Variants in SENP7 observed in about 807,000 individuals in gnomAD.
SENP7 encodes the protein sentrin-specific protease 7.
Under a neutral mutation model 141.2 loss-of-function variants are expected in SENP7, and 64 were observed. The ratio of observed to expected loss-of-function variants is 0.45; its 90% CI spans 0.37 to 0.56. The LOEUF (loss-of-function observed/expected upper bound fraction) is 0.56, where lower values mean the gene tolerates loss of function less well. SENP7 is among the 20% of genes least tolerant of loss of function. SENP7 has a pLI of 0.00. For missense variants in SENP7, 1,025 were observed against 1,212.2 expected (o/e 0.85, Z 2.29); for synonymous variants, 382 against 426.4 (o/e 0.90, Z 1.28).
chr3:101,478,436 A>C (rs1355626711), intron 3 of SENP7, among the ~76,000 whole-genome samples: 1 of 152,148 alleles, frequency 6.6e-6, no homozygotes, highest in Non-Finnish European at 1.5e-5. Context: ...TGAGAGGATC[A>C]CTTGAGCCCA....
chr3:101,479,823 T>C (rs56389316), intron 3 of SENP7, among the ~76,000 whole-genome samples: 1 of 113,598 alleles, frequency 8.8e-6, no homozygotes, highest in Non-Finnish European at 1.7e-5. Context: ...AAAAAAGTAG[T>C]GATTTTATAC....
intron 3 of SENP7, among the ~76,000 whole-genome samples, chr3:101,459,390 A>G (rs568223841): frequency 2.3e-4 from 35 of 152,322 alleles, no homozygotes; most frequent in Middle Eastern, 3.4e-3. Flanking sequence ...CTATGATTCT[A>G]AAGTAACTGT....
intron 8 of SENP7, among the ~76,000 whole-genome samples, chr3:101,367,593 A>G (rs187614100): frequency 1.8e-3 from 271 of 152,302 alleles, no homozygotes; most frequent in Admixed American, 3.1e-3. Context: ...CAAGAAAATA[A>G]GCAATTTTAA....
At chr3:101,457,728 A>G in intron 4 of SENP7, 1 of 940,836 alleles carries the variant, frequency 1.1e-6, no homozygotes. Flanking sequence ...TGTTTCTTTC[A>G]TCCTATCAGA....
At chr3:101,400,341 T>C (rs1559770901) in intron 5 of SENP7, among the ~76,000 whole-genome samples, 1 of 152,156 alleles carries the variant, frequency 6.6e-6, no homozygotes, top group African/African-American at 2.4e-5. Context: ...CATTTTATTG[T>C]GCTTCACTTT....
intron 3 of SENP7, among the ~76,000 whole-genome samples, chr3:101,491,269 C>G (rs980581529): frequency 8.0e-5 from 12 of 150,196 alleles, no homozygotes; most frequent in African/African-American, 2.7e-4. Context: ...ACTACAGGTG[C>G]ACAAGACCAC....
At chr3:101,374,576 T>C (rs2060266996) in intron 6 of SENP7, among the ~76,000 whole-genome samples, 1 of 150,276 alleles carries the variant, frequency 6.7e-6, no homozygotes, top group South Asian at 2.1e-4. Context: ...GGGAACATAA[T>C]TCATTATGGG....
chr3:101,426,727 C>A (rs2061971933), intron 4 of SENP7, among the ~76,000 whole-genome samples: 1 of 152,122 alleles, frequency 6.6e-6, no homozygotes, highest in Admixed American at 6.5e-5. Flanking sequence ...AGTGATCCTC[C>A]CACCTCAGCC....
At chr3:101,347,258 A>G (rs2059487743) in intron 13 of SENP7, 1 of 152,158 alleles carries the variant, frequency 6.6e-6, no homozygotes, top group Admixed American at 6.5e-5. Context: ...GTAGTCAAAC[A>G]TGGCAAATGA....
At chr3:101,461,138 T>C (rs750283698) in intron 3 of SENP7, among the ~76,000 whole-genome samples, 1 of 151,604 alleles carries the variant, frequency 6.6e-6, no homozygotes. Flanking sequence ...AAGTGAAAGA[T>C]CTCCACAATG....
chr3:101,471,819 C>T lies in SENP7; in HGVS notation c.187-12767G>A, dbSNP rs534788687. ...ATTTACAAGAAAAAAACAAACAACC[C>T]CCTCATCAAAAAGTGGGCAAAGGAT... On this transcript the variant is annotated intron_variant, in intron 3 of 23. Coordinates refer to ENST00000394095, the MANE Select transcript of SENP7 (RefSeq NM_020654.5). Among the ~76,000 whole-genome samples the T allele has an allele frequency of 9.7e-4, 148 of 151,922 alleles. 2 individuals are homozygous for T. The highest frequency in any genetic ancestry group is 3.1e-3 in the African/African-American group (130 of 41,456).
intron 10 of SENP7, among the ~76,000 whole-genome samples, chr3:101,363,441 C>T (rs970813691): frequency 6.6e-6 from 1 of 152,164 alleles, no homozygotes; most frequent in Non-Finnish European, 1.5e-5. Flanking sequence ...CCTTATATGT[C>T]TTTGTAGATC....
At chr3:101,429,707 C>A (rs753284605) in intron 4 of SENP7, among the ~76,000 whole-genome samples, 15 of 152,128 alleles carry the variant, frequency 9.9e-5, no homozygotes, top group Non-Finnish European at 2.2e-4. Context: ...ATTGCCCTGG[C>A]CAGAACTTCC....
Position 101,348,021 on chromosome 3 carries a change from T to G in SENP7, c.1688A>C (p.Asp563Ala), listed in dbSNP as rs748215250. 1 of 1,599,358 alleles carries G rather than the reference T, an allele frequency of 6.3e-7. No homozygotes were observed. Among genetic ancestry groups the G allele is most frequent in the Admixed American group, 1.8e-5 (1 of 56,778 alleles). ...VSLNEISLLV[D>A]TTHLKRFGLW... ...CCCAAACCGCTTTAAATGTGTGGTA[T>G]CCACTAGCAATGAAATCTCATTCAG... The change falls in exon 13 of 24, where the codon GAT (aspartate) becomes GCT (alanine). Residue 563 changes from aspartate to alanine, a missense_variant. Asp to Ala is a moderately radical substitution (Grantham distance 126, BLOSUM62 -2). Around this residue, in one of 4 missense-constraint regions of SENP7, gnomAD observed 228 missense variants for 228.5 expected, o/e 1.00. Transcript: ENST00000394095.
At chr3:101,450,389 C>A (rs1254106757) in intron 4 of SENP7, among the ~76,000 whole-genome samples, 1 of 152,188 alleles carries the variant, frequency 6.6e-6, no homozygotes, top group African/African-American at 2.4e-5. Context: ...GAACTCTCCA[C>A]CCCCAATCAA....
intron 3 of SENP7, among the ~76,000 whole-genome samples, chr3:101,477,717 G>C (rs1217151108): frequency 6.6e-6 from 1 of 151,978 alleles, no homozygotes; most frequent in Non-Finnish European, 1.5e-5. Flanking sequence ...TGAGTGTGGT[G>C]GTGGGTGCCT....
intron 6 of SENP7, among the ~76,000 whole-genome samples, chr3:101,390,069 A>T (rs1450749359): frequency 6.6e-6 from 1 of 151,910 alleles, no homozygotes; most frequent in Non-Finnish European, 1.5e-5. Flanking sequence ...AAAATACAAA[A>T]ATTAGCCAGG....
intron 5 of SENP7, among the ~76,000 whole-genome samples, chr3:101,411,399 A>G (rs1210660153): frequency 6.6e-6 from 1 of 152,220 alleles, no homozygotes; most frequent in Non-Finnish European, 1.5e-5. Flanking sequence ...ATTAAAGTAT[A>G]TAATTAAACA....
intron 3 of SENP7, 85 bp downstream of exon 3, chr3:101,493,788 G>T: frequency 1.2e-6 from 1 of 811,454 alleles, no homozygotes; most frequent in South Asian, 2.1e-5. Flanking sequence ...GGACATATCA[G>T]AAAATAAACA....
Sources: gnomAD v4.1 joint callset for allele counts (sites outside exome capture counted in the v4.1 genomes callset) on GRCh38, gnomAD v4.1.1 for gene constraint, gnomAD v4.1.1 regional missense constraint, MANE v1.5 for transcripts, NCBI Gene and HGNC (gene_info 2026-07-23, HGNC 2026-07-21) for gene names.